The following TMEM233 variants were observed in gnomAD, a reference collection of about 807,000 sequenced individuals.
TMEM233 encodes dispanin subfamily B member 2.
A neutral mutation model predicts 11.2 loss-of-function variants in TMEM233; 6 were observed. That is an observed-to-expected ratio of 0.54 (90% CI 0.29 to 1.06). The LOEUF is 1.06. Among genes scored for constraint, TMEM233 ranks in the 50% least tolerant of loss-of-function variants. The pLI, the probability that TMEM233 is intolerant of heterozygous loss-of-function variation, is 0.08. For synonymous variants in TMEM233, 59 were observed against 55.8 expected (o/e 1.06, Z -0.26); for missense variants, 127 against 144.7 (o/e 0.88, Z 0.63).
chr12:119,602,873 G>A (rs1347485264), intron 1 of TMEM233, among the ~76,000 whole-genome samples: 2 of 152,188 alleles, frequency 1.3e-5, no homozygotes, highest in Admixed American at 6.5e-5. Context: ...ACTAATGCAT[G>A]ACAGTGGAAG....
At chr12:119,598,078 C>T (rs557771167) in intron 1 of TMEM233, among the ~76,000 whole-genome samples, 4 of 152,270 alleles carry the variant, frequency 2.6e-5, no homozygotes, top group South Asian at 2.1e-4. Flanking sequence ...ATGTGGCCCT[C>T]GACCCTGGAG....
downstream of TMEM233, among the ~76,000 whole-genome samples, chr12:119,644,496 T>C (rs1442574824): frequency 7.8e-6 from 1 of 127,686 alleles, no homozygotes; most frequent in African/African-American, 3.0e-5. Context: ...TTTTTTTTTT[T>C]GAGATGGAGT....
rs993828053 is a variant in TMEM233, at chr12:119,595,855, T to G, written c.186+1821T>G. ...CTCTCCATCTGATATAGTATTTTAA[T>G]TATTTGTATGTTTACAGTCTGTGTC... is the stretch of plus-strand genomic sequence containing the variant. On this transcript the variant is annotated intron_variant, in intron 1 of 2. Transcript: ENST00000426426. This position sits in a 1 kb window ranked among gnomAD's most constrained non-coding sequence, Gnocchi z 4.3. 2.0e-5 allele frequency among the ~76,000 whole-genome samples: 3 copies of G among 152,208 alleles called. No homozygotes were observed.
chr12:119,615,194 A>C (rs1018966030), intron 1 of TMEM233, among the ~76,000 whole-genome samples: 12 of 146,428 alleles, frequency 8.2e-5, no homozygotes, highest in Non-Finnish European at 1.5e-4. Flanking sequence ...AAAAAAAAAA[A>C]AAAAAAAAAA....
chr12:119,632,949 AT>A (rs1283670776), intron 2 of TMEM233, among the ~76,000 whole-genome samples: 1 of 152,210 alleles, frequency 6.6e-6, no homozygotes, highest in Non-Finnish European at 1.5e-5. Flanking sequence ...ATCTAGAAGC[AT>A]TCATATGTTA....
chr12:119,618,467 A>C (rs2136730710), intron 1 of TMEM233, among the ~76,000 whole-genome samples: 1 of 152,244 alleles, frequency 6.6e-6, no homozygotes, highest in African/African-American at 2.4e-5. Context: ...AGCCACAGGC[A>C]CTCAATGCCA....
In TMEM233 at chr12:119,595,221, C is replaced by G. The variant is rs779153604; in HGVS notation, c.186+1187C>G. On this transcript the variant is annotated intron_variant, in intron 1 of 2. Coordinates refer to ENST00000426426, the MANE Select transcript of TMEM233 (RefSeq NM_001136534.3). The surrounding 1 kb of genome is among the most constrained non-coding windows in gnomAD (Gnocchi z 4.3). ...CGGCGGGGTGAGGTTCGTACCGGCA[C>G]TGTCCCGGGACAACCCTTGCAGTTG... 1.3e-5 allele frequency among the ~76,000 whole-genome samples: 2 copies of G among 152,226 alleles called. No homozygotes were observed. The highest frequency in any genetic ancestry group is 2.9e-5 in the Non-Finnish European group (2 of 68,046).
intron 1 of TMEM233, among the ~76,000 whole-genome samples, chr12:119,624,944 T>C (rs986311024): frequency 6.6e-6 from 1 of 152,148 alleles, no homozygotes; most frequent in Non-Finnish European, 1.5e-5. Context: ...TGGTTCTCTG[T>C]ATTTTTTTTT....
At position 119,612,524 on chromosome 12, in the gene TMEM233, G is replaced by A. The variant is rs544656563; in HGVS notation, c.187-17212G>A. Among the ~76,000 whole-genome samples the A allele has an allele frequency of 8.5e-5, 13 of 152,156 alleles. No individual in the cohort carries two copies. The South Asian group carries it at 1.7e-3, about 19-fold the overall frequency. The stretch of plus-strand genomic sequence containing the variant: ...AGGACTTTGGGAGGCTGAGGCAGGC[G>A]GATCACGAGGTCAGGAGATCAAGAC... On this transcript the variant is annotated intron_variant, in intron 1 of 2. Coordinates refer to ENST00000426426, the MANE Select transcript of TMEM233 (RefSeq NM_001136534.3).
At chr12:119,625,976 T>C (rs140170706) in intron 1 of TMEM233, among the ~76,000 whole-genome samples, 74 of 152,170 alleles carry the variant, frequency 4.9e-4, no homozygotes, top group Non-Finnish European at 9.0e-4. Flanking sequence ...TCAAGGATCA[T>C]ACATTGCATA....
intron 1 of TMEM233, among the ~76,000 whole-genome samples, chr12:119,623,344 C>T (rs539502659): frequency 2.6e-4 from 39 of 152,212 alleles, no homozygotes; most frequent in African/African-American, 8.7e-4. Flanking sequence ...CACAATAGGT[C>T]GGTTTGGGAA....
At chr12:119,652,172 A>G in the TMEM233 span, among the ~76,000 whole-genome samples, 157 of 152,362 alleles carry the variant, frequency 1.0e-3, no homozygotes, top group African/African-American at 3.5e-3. Flanking sequence ...TAGTGATTCC[A>G]TATTAGAAAT....
chr12:119,601,701 T>C (rs921349141), intron 1 of TMEM233, among the ~76,000 whole-genome samples: 7 of 148,342 alleles, frequency 4.7e-5, no homozygotes, highest in African/African-American at 1.7e-4. Context: ...ACTTCAAAAA[T>C]CCTGAAAGAA....
chr12:119,614,465 A>G (rs971634794), intron 1 of TMEM233, among the ~76,000 whole-genome samples: 2 of 152,048 alleles, frequency 1.3e-5, no homozygotes, highest in African/African-American at 4.8e-5. Context: ...AATTTTTGAC[A>G]GTAAAATTAG....
chr12:119,632,711 A>G (rs1389844515), intron 2 of TMEM233, among the ~76,000 whole-genome samples: 4 of 152,156 alleles, frequency 2.6e-5, no homozygotes, highest in African/African-American at 7.2e-5. Flanking sequence ...CATGGGGCTC[A>G]TTTTTCAAGA....
rs192579371 is a variant in TMEM233, at chr12:119,623,786, T to C, written c.187-5950T>C. ...TATGTGCGGAGCCAATACCAACCAC[T>C]TGACACACATTAATTCAATGTGAAG... is the stretch of plus-strand genomic sequence containing the variant. On this transcript the variant is annotated intron_variant, in intron 1 of 2. Coordinates refer to ENST00000426426, the MANE Select transcript of TMEM233 (RefSeq NM_001136534.3). Among the ~76,000 whole-genome samples, 14 of 152,264 alleles carry C rather than the reference T, an allele frequency of 9.2e-5. 1 individual carries two copies. Among genetic ancestry groups the C allele is most frequent in the African/African-American group, 2.6e-4 (11 of 41,554 alleles).
the TMEM233 span, among the ~76,000 whole-genome samples, chr12:119,650,698 A>G: frequency 6.6e-6 from 1 of 152,208 alleles, no homozygotes; most frequent in African/African-American, 2.4e-5. Context: ...GCTGGGGTGC[A>G]GTGGCACAAT....
intron 1 of TMEM233, among the ~76,000 whole-genome samples, chr12:119,617,119 T>G (rs563838228): frequency 2.6e-5 from 4 of 152,170 alleles, no homozygotes; most frequent in Admixed American, 1.3e-4. Context: ...TGGAACTGGG[T>G]AACAGACAGA....
At chr12:119,623,844 A>T (rs1238852943) in intron 1 of TMEM233, among the ~76,000 whole-genome samples, 1 of 152,210 alleles carries the variant, frequency 6.6e-6, no homozygotes, top group Non-Finnish European at 1.5e-5. Flanking sequence ...CGATTTACAG[A>T]TGAGGGCACT....
Sources: gnomAD v4.1 joint callset for allele counts (sites outside exome capture counted in the v4.1 genomes callset) on GRCh38, gnomAD v4.1.1 for gene constraint, Gnocchi (gnomAD v3.1) non-coding constraint, MANE v1.5 for transcripts, NCBI Gene and HGNC (gene_info 2026-07-23, HGNC 2026-07-21) for gene names.